The following DECR1 variants were observed in gnomAD, a reference collection of about 807,000 sequenced individuals.
The protein encoded by DECR1 is 2,4-dienoyl-CoA reductase 1.
A neutral mutation model predicts 38.8 loss-of-function variants in DECR1; 44 were observed. The ratio of observed to expected loss-of-function variants is 1.13; its 90% CI spans 0.89 to 1.46. The LOEUF is 1.46. Ranked by LOEUF, DECR1 falls within the 40% of genes most tolerant of loss-of-function variation. The probability of loss-of-function intolerance (pLI) is 0.00; values close to 1 mark genes in which losing one functional copy is unlikely to be tolerated. For missense variants in DECR1, 428 were observed against 405.5 expected, an observed-to-expected ratio of 1.06 and a Z score of -0.48; for synonymous variants, 148 against 135.2, an observed-to-expected ratio of 1.09 and a Z score of -0.66.
rs1005710765 is a variant in DECR1 at position 90,047,098 on chromosome 8, T to C, written c.885+2103T>C. Among the ~76,000 whole-genome samples the C allele has an allele frequency of 4.6e-5, 7 of 152,104 alleles. No individual in the cohort carries two copies. In the East Asian group the frequency reaches 5.8e-4, roughly 13 times the overall value. On this transcript the variant is annotated intron_variant, in intron 8 of 9. Transcript: ENST00000220764. ...AAAACAGGCCAAATTGTAGAGACCA[T>C]CAATGCTACAAAAAAACTGCATCAA... is the stretch of plus-strand genomic sequence containing the variant.
intron 6 of DECR1, 22 bp downstream of exon 6, chr8:90,036,962 C>T (rs759985745): frequency 1.9e-6 from 3 of 1,546,712 alleles, no homozygotes; most frequent in Non-Finnish European, 2.7e-6. Context: ...CTTGTCAATC[C>T]TGTTGCTGAA....
At chr8:90,046,143 A>G (rs1813894780) in intron 8 of DECR1, among the ~76,000 whole-genome samples, 1 of 152,252 alleles carries the variant, frequency 6.6e-6, no homozygotes, top group Non-Finnish European at 1.5e-5. Flanking sequence ...TTCCAAAGGA[A>G]TGCAGCTCCT....
chr8:90,016,171 A>C (rs1434647811), intron 1 of DECR1, among the ~76,000 whole-genome samples: 5 of 152,184 alleles, frequency 3.3e-5, no homozygotes, highest in Non-Finnish European at 5.9e-5. Context: ...TAAATAACAG[A>C]AATATTCTGT....
At chr8:90,034,261 A>G (rs1250896594) in intron 5 of DECR1, among the ~76,000 whole-genome samples, 1 of 152,176 alleles carries the variant, frequency 6.6e-6, no homozygotes, top group Non-Finnish European at 1.5e-5. Context: ...GTAGTCCTTC[A>G]AATTTAAATT....
At position 90,017,278 on chromosome 8, in the gene DECR1, T is replaced by C; in HGVS notation, c.224T>C (p.Met75Thr). ...GGAGGTACTGGCCTTGGTAAAGGAA[T>C]GACAACTCTTCTGTCCAGCCTAGGT... ...TGGGTGLGKG[M>T]TTLLSSLGAQ... The change falls in exon 2 of 10, where the codon ATG becomes ACG. Residue 75 changes from methionine (M) to threonine (T), a missense_variant. Met to Thr is a moderately conservative substitution (Grantham distance 81, BLOSUM62 -1). Transcript: ENST00000220764. The C allele has an allele frequency of 6.2e-7, 1 of 1,614,210 alleles. No individual in the cohort carries two copies. Among genetic ancestry groups the C allele is most frequent in the Admixed American group, 1.7e-5 (1 of 60,026 alleles).
chr8:90,015,762 G>T, intron 1 of DECR1: 1 of 416,696 alleles, frequency 2.4e-6, no homozygotes, highest in South Asian at 1.7e-5. Context: ...AGCTTAGCAG[G>T]ATCTCAGAGA....
intron 4 of DECR1, among the ~76,000 whole-genome samples, chr8:90,020,425 T>C (rs1299090299): frequency 6.6e-6 from 1 of 152,220 alleles, no homozygotes; most frequent in Admixed American, 6.5e-5. Context: ...TCTTGCTCTG[T>C]CACTCAGGTT....
At chr8:90,051,580 A>T (rs780349416) in intron 8 of DECR1, 97 bp from the exon 9 acceptor site, 156 of 899,118 alleles carry the variant, frequency 1.7e-4, no homozygotes, top group Non-Finnish European at 2.5e-4. Context: ...AAAGTGCCAA[A>T]GAGATATTCC....
rs1224336322 is a variant in DECR1 at position 90,052,103 on chromosome 8, A to G, written c.*206A>G. 2 of 523,672 alleles carry G rather than the reference A, an allele frequency of 3.8e-6. No homozygotes were observed. Among genetic ancestry groups the G allele is most frequent in the Non-Finnish European group, 6.6e-6 (2 of 302,074 alleles). 32.4% of individuals were successfully genotyped at this position (523,672 alleles called of 1,614,324 possible). A position where few individuals can be genotyped will look rare whatever the true frequency, so the allele number is the denominator to read the frequency against. Reference sequence around the variant, plus strand: ...GTCCTTCAAAACATTAAAAAAAAAAAAAGGAGGCATGGGGAGAGTAGGTAA... The same window carrying G: ...GTCCTTCAAAACATTAAAAAAAAAAGAAGGAGGCATGGGGAGAGTAGGTAA... On this transcript the variant is annotated 3_prime_UTR_variant, in exon 10 of 10. Coordinates refer to ENST00000220764, the MANE Select transcript of DECR1 (RefSeq NM_001359.2).
intron 1 of DECR1, among the ~76,000 whole-genome samples, chr8:90,006,568 A>C (rs989416377): frequency 6.6e-6 from 1 of 152,160 alleles, no homozygotes; most frequent in Non-Finnish European, 1.5e-5. Flanking sequence ...TTGAGAGGTG[A>C]TGGTGGCCTC....
chr8:90,033,750 C>A (rs1465393529), intron 5 of DECR1, among the ~76,000 whole-genome samples: 1 of 152,194 alleles, frequency 6.6e-6, no homozygotes, highest in Admixed American at 6.6e-5. Context: ...AAATAACTTT[C>A]ATTTCAGCAT....
chr8:90,051,624 A>G (rs1563664391), intron 8 of DECR1, 53 bp from the exon 9 acceptor site: 6 of 1,473,982 alleles, frequency 4.1e-6, no homozygotes, highest in Non-Finnish European at 5.7e-6. Flanking sequence ...CTAGTGGTTC[A>G]GAAACTTTTT....
At chr8:90,026,711 T>C (rs1187476870) in intron 5 of DECR1, among the ~76,000 whole-genome samples, 2 of 152,200 alleles carry the variant, frequency 1.3e-5, no homozygotes, top group Non-Finnish European at 2.9e-5. Flanking sequence ...GTTTTTTGTG[T>C]TTCTATCTCC....
intron 6 of DECR1, among the ~76,000 whole-genome samples, chr8:90,037,400 A>G (rs1280986766): frequency 6.6e-6 from 1 of 150,776 alleles, no homozygotes; most frequent in Non-Finnish European, 1.5e-5. Flanking sequence ...AACACAGACT[A>G]TGAGCACTTC....
intron 5 of DECR1, among the ~76,000 whole-genome samples, chr8:90,033,723 G>C (rs1484878357): frequency 6.6e-6 from 1 of 152,038 alleles, no homozygotes; most frequent in Non-Finnish European, 1.5e-5. Flanking sequence ...AACCTTAAAG[G>C]GATAAAAAGA....
chr8:90,002,928 G>A (rs1261546583), intron 1 of DECR1, among the ~76,000 whole-genome samples: 3 of 152,120 alleles, frequency 2.0e-5, no homozygotes, highest in African/African-American at 7.2e-5. Context: ...CACATCATTA[G>A]GATTGTAGCA....
intron 6 of DECR1, among the ~76,000 whole-genome samples, chr8:90,038,174 T>C (rs925641941): frequency 6.6e-6 from 1 of 152,246 alleles, no homozygotes; most frequent in Non-Finnish European, 1.5e-5. Flanking sequence ...CTATTCCATT[T>C]ATTATTTCCA....
At chr8:90,018,201 T>G (rs1264371621) in intron 2 of DECR1, among the ~76,000 whole-genome samples, 1 of 152,232 alleles carries the variant, frequency 6.6e-6, no homozygotes, top group African/African-American at 2.4e-5. Flanking sequence ...ACTTTCATTT[T>G]CTATAAAATA....
intron 1 of DECR1, among the ~76,000 whole-genome samples, chr8:90,010,966 A>G (rs1812869372): frequency 3.3e-5 from 5 of 152,332 alleles, no homozygotes; most frequent in Admixed American, 2.0e-4. Flanking sequence ...ATTTATGAAC[A>G]TGTTGAACAT....
Sources: gnomAD v4.1 joint callset for allele counts (sites outside exome capture counted in the v4.1 genomes callset) on GRCh38, gnomAD v4.1.1 for gene constraint, MANE v1.5 for transcripts, NCBI Gene and HGNC (gene_info 2026-07-23, HGNC 2026-07-21) for gene names.